The following DGKG variants were observed in gnomAD, a reference collection of about 807,000 sequenced individuals.
DGKG encodes DAG kinase gamma.
In DGKG, 78 loss-of-function variants were observed where a neutral mutation model predicts 105.3. That is an observed-to-expected ratio of 0.74 (90% CI 0.62 to 0.89). The LOEUF is 0.89. DGKG is among the 40% of genes least tolerant of loss of function. The pLI is 0.00. For synonymous variants in DGKG, 346 were observed against 367.1 expected (o/e 0.94, Z 0.66); for missense variants, 958 against 1,020.1 (o/e 0.94, Z 0.83).
At chr3:186,240,085 C>A (rs942225968) in intron 20 of DGKG, among the ~76,000 whole-genome samples, 1 of 152,112 alleles carries the variant, frequency 6.6e-6, no homozygotes, top group Admixed American at 6.5e-5. Context: ...CTTTCCTCTG[C>A]CGAGACCATA....
intron 1 of DGKG, among the ~76,000 whole-genome samples, chr3:186,350,085 T>A (rs1477947879): frequency 6.6e-6 from 1 of 152,066 alleles, no homozygotes; most frequent in East Asian, 1.9e-4. Flanking sequence ...AGATGGGACT[T>A]CATCATGTTG....
chr3:186,214,482 T>A (rs1266239005), intron 20 of DGKG, among the ~76,000 whole-genome samples: 4 of 152,198 alleles, frequency 2.6e-5, no homozygotes, highest in Non-Finnish European at 5.9e-5. Flanking sequence ...AAATGACAGA[T>A]AAGGATGTGT....
chr3:186,268,661 G>A (rs1722171617), intron 12 of DGKG, 140 bp downstream of exon 12: 1 of 624,096 alleles, frequency 1.6e-6, no homozygotes, highest in African/African-American at 1.8e-5. Flanking sequence ...TGAGGGCATT[G>A]AATAGGCGCT....
intron 24 of DGKG, among the ~76,000 whole-genome samples, chr3:186,156,101 G>A (rs1010189681): frequency 2.0e-5 from 3 of 151,936 alleles, no homozygotes; most frequent in Non-Finnish European, 4.4e-5. Flanking sequence ...TTAGTCTTTC[G>A]AAGATTCTAT....
At position 186,231,657 on chromosome 3, in the gene DGKG, G is replaced by T. The variant is rs1398249464; in HGVS notation, c.1826+10847C>A. Among the ~76,000 whole-genome samples, 1 of 152,118 alleles carries T rather than the reference G, an allele frequency of 6.6e-6. No homozygotes were observed. ...TACTAGGCCAGGTGTGGTCACTCAC[G>T]CCTGTAATCCCAGCACTTTGGGAAG... On this transcript the variant is annotated intron_variant, in intron 20 of 24. Transcript: ENST00000265022. The surrounding 1 kb of genome is among the most constrained non-coding windows in gnomAD (Gnocchi z 4.5).
chr3:186,235,658 C>A (rs879506147), intron 20 of DGKG, among the ~76,000 whole-genome samples: 12 of 152,202 alleles, frequency 7.9e-5, no homozygotes, highest in Admixed American at 7.8e-4. Flanking sequence ...GAGCATACTG[C>A]AGGTATTCAA....
intron 1 of DGKG, among the ~76,000 whole-genome samples, chr3:186,335,868 C>T (rs762527460): frequency 2.6e-5 from 4 of 152,074 alleles, no homozygotes; most frequent in East Asian, 1.9e-4. Flanking sequence ...AGCAAAAAAT[C>T]GAAACGATTT....
intron 1 of DGKG, among the ~76,000 whole-genome samples, chr3:186,355,650 C>CACCAG (rs1560171046): frequency 6.6e-6 from 1 of 151,818 alleles, no homozygotes; most frequent in Admixed American, 6.6e-5. Context: ...ACCAGCACCA[C>CACCAG]CACCAGCATC....
At chr3:186,335,154 C>T (rs1465746198) in intron 1 of DGKG, among the ~76,000 whole-genome samples, 1 of 152,154 alleles carries the variant, frequency 6.6e-6, no homozygotes, top group Non-Finnish European at 1.5e-5. Context: ...TCACTGCAAC[C>T]TTCGCCTCCT....
intron 1 of DGKG, among the ~76,000 whole-genome samples, chr3:186,344,211 T>C (rs1243387805): frequency 6.6e-6 from 1 of 152,100 alleles, no homozygotes; most frequent in Non-Finnish European, 1.5e-5. Flanking sequence ...GAACTACCAT[T>C]GGACCCAGCA....
intron 1 of DGKG, among the ~76,000 whole-genome samples, chr3:186,324,646 T>C (rs546033483): frequency 3.0e-4 from 45 of 152,204 alleles, no homozygotes; most frequent in African/African-American, 1.1e-3. Context: ...AATCATCAGA[T>C]ACATGTACAT....
intron 1 of DGKG, among the ~76,000 whole-genome samples, chr3:186,338,506 A>G (rs897012191): frequency 2.0e-5 from 3 of 152,160 alleles, no homozygotes; most frequent in African/African-American, 7.2e-5. Context: ...ACCTCTCAAA[A>G]TTACATGCAA....
chr3:186,356,442 C>T (rs888519938), intron 1 of DGKG, among the ~76,000 whole-genome samples: 6 of 152,018 alleles, frequency 3.9e-5, no homozygotes, highest in African/African-American at 1.5e-4. Flanking sequence ...CGGGTGAAGG[C>T]GAGCAGGTGG....
rs1288645393 is a variant in DGKG, at chr3:186,203,966, T to C, written c.1917+7829A>G. ...GACCTCTTTCCCTCTAGTTTAAGAG[T>C]GTGCAGCACTGCAGGTGGATGCTAA... On this transcript the variant is annotated intron_variant, in intron 21 of 24. Coordinates refer to ENST00000265022, the MANE Select transcript of DGKG (RefSeq NM_001346.3). The surrounding 1 kb of genome is among the most constrained non-coding windows in gnomAD (Gnocchi z 4.9). 1.3e-5 allele frequency among the ~76,000 whole-genome samples: 2 copies of C among 152,254 alleles called. No individual in the cohort carries two copies. The highest frequency in any genetic ancestry group is 2.1e-4 in the South Asian group (1 of 4,828).
At chr3:186,250,645 GT>G (rs1304205259) in intron 19 of DGKG, among the ~76,000 whole-genome samples, 3 of 138,914 alleles carry the variant, frequency 2.2e-5, no homozygotes, top group Non-Finnish European at 3.0e-5. Context: ...TTCCTCCCAG[GT>G]TCAAGCAATT....
intron 1 of DGKG, among the ~76,000 whole-genome samples, chr3:186,325,183 A>AGGG (rs1240450106): frequency 1.3e-5 from 2 of 152,326 alleles, no homozygotes; most frequent in East Asian, 3.9e-4. Flanking sequence ...AGTGGGAGCT[A>AGGG]AACATTGGGA....
Position 186,148,903 on chromosome 3 carries a change from C to T in DGKG, c.*1187G>A, listed in dbSNP as rs1715621967. On this transcript the variant is annotated 3_prime_UTR_variant, in exon 25 of 25. Coordinates refer to ENST00000265022, the MANE Select transcript of DGKG (RefSeq NM_001346.3). ...TCTTTTTCCTTACCACTTTCTGTCT[C>T]ATACTACCTATGTTTTTTTTTTCCA... 1 of 980,882 alleles carries T rather than the reference C, an allele frequency of 1.0e-6. No individual in the cohort carries two copies. The allele number at this position is 980,882 out of a possible 1,614,324, so 60.8% of individuals were successfully genotyped here.
At chr3:186,355,305 A>G (rs745368508) in intron 1 of DGKG, among the ~76,000 whole-genome samples, 16 of 24,746 alleles carry the variant, frequency 6.5e-4, no homozygotes, top group Non-Finnish European at 8.4e-4. Flanking sequence ...CATTATTGTC[A>G]CCCCCCACCA....
intron 16 of DGKG, among the ~76,000 whole-genome samples, chr3:186,260,223 C>T (rs1721696595): frequency 6.6e-6 from 1 of 152,188 alleles, no homozygotes; most frequent in African/African-American, 2.4e-5. Context: ...GGACAAGCTA[C>T]AGGAGGCCAC....
Sources: allele counts gnomAD v4.1 joint callset (sites outside exome capture counted in the v4.1 genomes callset), GRCh38; gene constraint gnomAD v4.1.1; non-coding constraint Gnocchi (gnomAD v3.1); transcripts MANE v1.5; gene names NCBI Gene and HGNC (gene_info 2026-07-23, HGNC 2026-07-21).